Variants in SLC35F4 observed in about 807,000 individuals in gnomAD.
SLC35F4 encodes the protein solute carrier family 35 member F4, also known as chromosome 14 open reading frame 36.
In SLC35F4, 24 loss-of-function variants were observed where a neutral mutation model predicts 44.2. That is an observed-to-expected ratio of 0.54 (90% CI 0.39 to 0.76). The LOEUF (loss-of-function observed/expected upper bound fraction) is 0.76. SLC35F4 is among the 30% of genes least tolerant of loss of function. The pLI is 0.00. For missense variants in SLC35F4, 562 were observed against 586.1 expected (o/e 0.96, Z 0.42); for synonymous variants, 238 against 223.6 (o/e 1.06, Z -0.57).
At chr14:57,827,151 A>G (rs1883870724) in intron 1 of SLC35F4, among the ~76,000 whole-genome samples, 1 of 152,240 alleles carries the variant, frequency 6.6e-6, no homozygotes, top group Non-Finnish European at 1.5e-5. Context: ...AATGTGGTAT[A>G]TATTTACCAT....
chr14:57,753,285 T>C (rs549689112), intron 1 of SLC35F4, among the ~76,000 whole-genome samples: 41 of 152,298 alleles, frequency 2.7e-4, no homozygotes, highest in African/African-American at 9.4e-4. Flanking sequence ...AGCTGCCATG[T>C]TTTCCTTAGG....
chr14:57,842,542 C>T (rs549647528), intron 1 of SLC35F4, among the ~76,000 whole-genome samples: 1 of 152,216 alleles, frequency 6.6e-6, no homozygotes, highest in South Asian at 2.1e-4. Flanking sequence ...GTGATATCTA[C>T]ACCTCTGAAA....
intron 1 of SLC35F4, chr14:57,981,814 AAGAG>A (rs143076597): frequency 1.3e-5 from 2 of 151,576 alleles, no homozygotes; most frequent in African/African-American, 4.8e-5. Flanking sequence ...TATGCCATTT[AAGAG>A]AGACAAACAA....
chr14:57,741,689 C>T (rs1337852011), intron 1 of SLC35F4, among the ~76,000 whole-genome samples: 1 of 152,132 alleles, frequency 6.6e-6, no homozygotes, highest in South Asian at 2.1e-4. Flanking sequence ...GAGAACTTCC[C>T]AAACCTAGCA....
At chr14:57,925,124 AC>A (rs1308269775) in intron 1 of SLC35F4, among the ~76,000 whole-genome samples, 1 of 149,328 alleles carries the variant, frequency 6.7e-6, no homozygotes, top group Non-Finnish European at 1.5e-5. Context: ...GCACCCTCCC[AC>A]CCCAGAGAAG....
At chr14:57,669,973 G>A (rs1054667404) in intron 1 of SLC35F4, among the ~76,000 whole-genome samples, 1 of 152,110 alleles carries the variant, frequency 6.6e-6, no homozygotes, top group South Asian at 2.1e-4. Context: ...ACTTTTTTTG[G>A]TTGGTAAGCT....
intron 1 of SLC35F4, among the ~76,000 whole-genome samples, chr14:57,885,926 T>C (rs1450189255): frequency 6.6e-6 from 1 of 152,200 alleles, no homozygotes; most frequent in Non-Finnish European, 1.5e-5. Flanking sequence ...TTTATACATA[T>C]GTTTAATGAA....
chr14:57,658,799 C>A (rs2074047343), intron 1 of SLC35F4, among the ~76,000 whole-genome samples: 1 of 152,174 alleles, frequency 6.6e-6, no homozygotes, highest in Admixed American at 6.5e-5. Context: ...GGAAGGCCAA[C>A]AAATCCTAAA....
chr14:57,776,099 G>GAAAGA (rs1555386594), intron 1 of SLC35F4, among the ~76,000 whole-genome samples: 4 of 152,212 alleles, frequency 2.6e-5, no homozygotes, highest in East Asian at 1.9e-4. Context: ...GAGAATAAAA[G>GAAAGA]AAAGAAAAGA....
intron 1 of SLC35F4, among the ~76,000 whole-genome samples, chr14:57,863,924 C>T (rs1194289112): frequency 3.3e-5 from 5 of 152,210 alleles, no homozygotes. Flanking sequence ...CAGTTATAGC[C>T]TTGGCCAGTG....
At chr14:57,731,061 A>C (rs1449042800) in intron 1 of SLC35F4, among the ~76,000 whole-genome samples, 1 of 152,166 alleles carries the variant, frequency 6.6e-6, no homozygotes, top group Admixed American at 6.5e-5. Context: ...TATCTCTTAG[A>C]TTCCTAGAAA....
intron 1 of SLC35F4, among the ~76,000 whole-genome samples, chr14:57,838,762 C>T (rs1885193572): frequency 6.6e-6 from 1 of 151,978 alleles, no homozygotes; most frequent in South Asian, 2.1e-4. Flanking sequence ...GATCACTTTA[C>T]ATTGTGGGCC....
intron 1 of SLC35F4, among the ~76,000 whole-genome samples, chr14:57,841,497 T>G (rs1329130745): frequency 6.6e-6 from 1 of 152,060 alleles, no homozygotes; most frequent in East Asian, 1.9e-4. Flanking sequence ...CAGAAAGAAT[T>G]TGGTTAAATG....
chr14:57,863,942 C>CT (rs1887898724), intron 1 of SLC35F4, among the ~76,000 whole-genome samples: 1 of 152,124 alleles, frequency 6.6e-6, no homozygotes, highest in African/African-American at 2.4e-5. Flanking sequence ...GTGCTCTTCC[C>CT]TTTTTTTGTC....
chr14:57,760,141 G>A (rs187247025), intron 1 of SLC35F4, among the ~76,000 whole-genome samples: 2 of 151,986 alleles, frequency 1.3e-5, no homozygotes, highest in South Asian at 2.1e-4. Flanking sequence ...AGTTGTTATC[G>A]TCTAGGAGTT....
intron 1 of SLC35F4, among the ~76,000 whole-genome samples, chr14:57,937,097 C>T (rs1436260854): frequency 2.2e-5 from 3 of 139,420 alleles, no homozygotes; most frequent in African/African-American, 7.9e-5. Flanking sequence ...GATAGAGTTT[C>T]ACTCTTGTCA....
At chr14:57,909,591 TTTC>T (rs1186191791) in intron 1 of SLC35F4, among the ~76,000 whole-genome samples, 2 of 151,522 alleles carry the variant, frequency 1.3e-5, no homozygotes, top group African/African-American at 2.4e-5. Flanking sequence ...CACAGATCGG[TTTC>T]TTTTCATTAT....
chr14:57,887,631 G>A (rs1474794092), intron 1 of SLC35F4, among the ~76,000 whole-genome samples: 8 of 152,140 alleles, frequency 5.3e-5, no homozygotes, highest in Non-Finnish European at 1.0e-4. Flanking sequence ...GGATGAGAGA[G>A]CTGGAATTTT....
intron 1 of SLC35F4, among the ~76,000 whole-genome samples, chr14:57,613,387 T>G (rs1385129031): frequency 6.6e-6 from 1 of 152,166 alleles, no homozygotes; most frequent in Non-Finnish European, 1.5e-5. Flanking sequence ...AAGGAGAGCC[T>G]GTCATACACT....
Sources: allele counts gnomAD v4.1 joint callset (sites outside exome capture counted in the v4.1 genomes callset), GRCh38; gene constraint gnomAD v4.1.1; transcripts MANE v1.5; gene names NCBI Gene and HGNC (gene_info 2026-07-23, HGNC 2026-07-21).